The following GALNT16 variants were observed in gnomAD, a reference collection of about 807,000 sequenced individuals.
The protein encoded by GALNT16 is UDP-GalNAc:polypeptide N-acetylgalactosaminyltransferase-like protein 1.
GALNT16 carries 40 observed loss-of-function variants against 76.1 expected under a neutral mutation model. The ratio of observed to expected loss-of-function variants is 0.53; its 90% CI spans 0.41 to 0.68. The LOEUF (loss-of-function observed/expected upper bound fraction) is 0.68. GALNT16 is among the 30% of genes least tolerant of loss of function. The pLI is 0.00. For synonymous variants in GALNT16, 276 were observed against 285.2 expected (o/e 0.97, Z 0.32); for missense variants, 621 against 731.9 (o/e 0.85, Z 1.75).
At chr14:69,281,854 A>G (rs562241008) in intron 1 of GALNT16, among the ~76,000 whole-genome samples, 2 of 152,302 alleles carry the variant, frequency 1.3e-5, no homozygotes, top group South Asian at 2.1e-4. Flanking sequence ...GGTGCTGGGT[A>G]GGAGCTGAGA....
the GALNT16 span, chr14:69,380,711 T>C: frequency 2.6e-5 from 22 of 840,934 alleles, no homozygotes; most frequent in African/African-American, 3.3e-4. Context: ...CCCCAAATTA[T>C]AACTGCCCAA....
At chr14:69,339,072 G>C (rs2045450673) in intron 10 of GALNT16, among the ~76,000 whole-genome samples, 1 of 152,140 alleles carries the variant, frequency 6.6e-6, no homozygotes, top group Non-Finnish European at 1.5e-5. Flanking sequence ...GGAGCCCCGA[G>C]TGCTGGTCAT....
At chr14:69,308,904 C>T (rs2044976661) in intron 1 of GALNT16, among the ~76,000 whole-genome samples, 1 of 152,240 alleles carries the variant, frequency 6.6e-6, no homozygotes, top group Non-Finnish European at 1.5e-5. Flanking sequence ...TTTCTTCAAA[C>T]TGTCAAAATA....
At chr14:69,326,175 T>C in intron 5 of GALNT16, 148 bp downstream of exon 5, 1 of 698,386 alleles carries the variant, frequency 1.4e-6, no homozygotes, top group Non-Finnish European at 2.6e-6. Flanking sequence ...CAGAAGACTC[T>C]CCTCCTTCCC....
At chr14:69,299,701 C>G (rs930853651) in intron 1 of GALNT16, among the ~76,000 whole-genome samples, 16 of 152,184 alleles carry the variant, frequency 1.1e-4, no homozygotes, top group African/African-American at 2.4e-5. Flanking sequence ...ATCAGGTCTT[C>G]CTGCCTCCCA....
At chr14:69,363,590 T>G in the GALNT16 span, among the ~76,000 whole-genome samples, 1 of 152,332 alleles carries the variant, frequency 6.6e-6, no homozygotes, top group African/African-American at 2.4e-5. Flanking sequence ...CCCAAAAAAC[T>G]GCCCCAGTTC....
chr14:69,324,038 A>G (rs562634341), intron 2 of GALNT16, among the ~76,000 whole-genome samples: 9 of 152,062 alleles, frequency 5.9e-5, no homozygotes, highest in Non-Finnish European at 7.4e-5. Context: ...AGGCCAGAAA[A>G]TGTGGTGTCT....
chr14:69,307,291 C>G (rs10146252), intron 1 of GALNT16, among the ~76,000 whole-genome samples: 42,244 of 152,098 alleles, frequency 0.28, 5,869 homozygotes, highest in Admixed American at 0.3. Context: ...CCTCGAGCAG[C>G]TACTGTGTGC....
chr14:69,324,866 C>G, intron 3 of GALNT16, 76 bp downstream of exon 3: 2 of 902,044 alleles, frequency 2.2e-6, no homozygotes, highest in Non-Finnish European at 3.4e-6. Context: ...TGTGGCCAGA[C>G]AGCTTGAAGC....
Position 69,272,777 on chromosome 14 carries a change from C to T in GALNT16, c.177+12310C>T, listed in dbSNP as rs535492787. Among the ~76,000 whole-genome samples, 17 of 152,258 alleles carry T rather than the reference C, an allele frequency of 1.1e-4. No homozygotes were observed. The South Asian group carries it at 2.9e-3, about 26-fold the overall frequency. On this transcript the variant is annotated intron_variant, in intron 1 of 14. Transcript: ENST00000448469. ...ACTCTACTTTTTATACGTTTAGATACGTACACATGTGAAAATACTTATTGT... is the reference window on the plus strand; with the variant it reads ...ACTCTACTTTTTATACGTTTAGATATGTACACATGTGAAAATACTTATTGT...
At chr14:69,330,545 G>A (rs928136818) in intron 6 of GALNT16, among the ~76,000 whole-genome samples, 2 of 152,204 alleles carry the variant, frequency 1.3e-5, no homozygotes, top group Non-Finnish European at 2.9e-5. Flanking sequence ...AAAAGGATGA[G>A]GTGAGGCCCT....
At chr14:69,323,288 A>AGGATCCT (rs1484110945) in intron 2 of GALNT16, among the ~76,000 whole-genome samples, 1 of 152,218 alleles carries the variant, frequency 6.6e-6, no homozygotes, top group Non-Finnish European at 1.5e-5. Context: ...ACCCCTTTAG[A>AGGATCCT]GGCTCCTGGC....
chr14:69,294,191 G>A (rs2044724171), intron 1 of GALNT16, among the ~76,000 whole-genome samples: 1 of 151,980 alleles, frequency 6.6e-6, no homozygotes, highest in East Asian at 1.9e-4. Flanking sequence ...GTGCGATCTC[G>A]GCTCACTGCA....
chr14:69,325,447 C>T (rs143441082), intron 4 of GALNT16, 43 bp downstream of exon 4: 39 of 1,160,244 alleles, frequency 3.4e-5, no homozygotes, highest in South Asian at 2.1e-4. Context: ...ATTCCGCCCT[C>T]GTCCCTGTTT....
downstream of GALNT16, chr14:69,355,619 C>T (rs2140211351): frequency 6.6e-6 from 1 of 152,580 alleles, no homozygotes; most frequent in South Asian, 2.1e-4. Flanking sequence ...GGCTGTCAGC[C>T]TTTAGCCAGG....
At chr14:69,370,134 G>A in the GALNT16 span, among the ~76,000 whole-genome samples, 1 of 152,156 alleles carries the variant, frequency 6.6e-6, no homozygotes, top group South Asian at 2.1e-4. Context: ...TTACATCCCT[G>A]GGCGAGCTCA....
chr14:69,319,758 G>A lies in GALNT16; in HGVS notation c.178-953G>A, dbSNP rs116613668. Among the ~76,000 whole-genome samples the A allele has an allele frequency of 7.3e-3, 1,115 of 152,318 alleles. 19 individuals carry two copies. The highest frequency in any genetic ancestry group is 0.026 in the African/African-American group (1,078 of 41,556). ...CATCCATCACTGCCCAGCACTTAGT[G>A]CCTGGGGACCAGTGGATCTTACAGG... On this transcript the variant is annotated intron_variant, in intron 1 of 14. Coordinates refer to ENST00000448469, the MANE Select transcript of GALNT16 (RefSeq NM_001168368.2).
At chr14:69,289,030 C>G (rs985939940) in intron 1 of GALNT16, among the ~76,000 whole-genome samples, 3 of 152,130 alleles carry the variant, frequency 2.0e-5, no homozygotes, top group African/African-American at 7.2e-5. Context: ...GGCACACACC[C>G]CCATGCCTGG....
At chr14:69,279,462 C>T (rs998424196) in intron 1 of GALNT16, among the ~76,000 whole-genome samples, 1 of 152,168 alleles carries the variant, frequency 6.6e-6, no homozygotes, top group Admixed American at 6.5e-5. Context: ...GAACATTGTC[C>T]ACAGTAAGTG....
Sources: allele counts gnomAD v4.1 joint callset (sites outside exome capture counted in the v4.1 genomes callset), GRCh38; gene constraint gnomAD v4.1.1; transcripts MANE v1.5; gene names NCBI Gene and HGNC (gene_info 2026-07-23, HGNC 2026-07-21).